The following IQSEC1 variants were observed in gnomAD, a reference collection of about 807,000 sequenced individuals.
IQSEC1 encodes IQ motif and Sec7 domain ArfGEF 1.
A neutral mutation model predicts 91.0 loss-of-function variants in IQSEC1; 31 were observed. The observed-to-expected ratio is 0.34, with a 90% CI of 0.26 to 0.46. The LOEUF is 0.46. Ranked by LOEUF, IQSEC1 falls within the 20% of genes least tolerant of loss-of-function variation. The pLI, the probability that IQSEC1 is intolerant of heterozygous loss-of-function variation, is 1.00. For synonymous variants in IQSEC1, 699 were observed against 662.6 expected (o/e 1.05, Z -0.84); for missense variants, 1,388 against 1,575.6 (o/e 0.88, Z 2.02).
chr3:13,056,671 G>A (rs1266433066), intron 1 of IQSEC1, among the ~76,000 whole-genome samples: 2 of 151,940 alleles, frequency 1.3e-5, no homozygotes, highest in Admixed American at 6.6e-5. Flanking sequence ...AGCTCAGGCG[G>A]CTGATCTCCA....
chr3:13,258,280 T>C (rs1695325632), intron 1 of IQSEC1, among the ~76,000 whole-genome samples: 2 of 152,240 alleles, frequency 1.3e-5, no homozygotes, highest in Admixed American at 1.3e-4. Context: ...GGCAGGAGCA[T>C]GGGAACTCAC....
chr3:13,224,726 C>A (rs776351422), intron 1 of IQSEC1, among the ~76,000 whole-genome samples: 4 of 152,124 alleles, frequency 2.6e-5, no homozygotes, highest in African/African-American at 4.8e-5. Context: ...TAGTTGCCCA[C>A]ATGGCCACAT....
intron 1 of IQSEC1, among the ~76,000 whole-genome samples, chr3:13,007,449 C>T (rs138563601): frequency 2.3e-3 from 357 of 152,346 alleles, no homozygotes; most frequent in African/African-American, 7.9e-3. Context: ...CTGCACCGGT[C>T]CACCCTCCGT....
At chr3:13,044,139 G>A (rs1354149067) in intron 1 of IQSEC1, among the ~76,000 whole-genome samples, 1 of 152,188 alleles carries the variant, frequency 6.6e-6, no homozygotes, top group Admixed American at 6.5e-5. Flanking sequence ...TCCCACCTCA[G>A]GTGGCATTTT....
At chr3:13,023,180 C>T (rs1465423827) in intron 1 of IQSEC1, among the ~76,000 whole-genome samples, 1 of 152,170 alleles carries the variant, frequency 6.6e-6, no homozygotes, top group African/African-American at 2.4e-5. Flanking sequence ...TAAGCTGGCT[C>T]CTCTCTGTAG....
chr3:13,021,385 G>C (rs531684009), intron 1 of IQSEC1, among the ~76,000 whole-genome samples: 37 of 152,346 alleles, frequency 2.4e-4, no homozygotes, highest in African/African-American at 8.7e-4. Flanking sequence ...GTCCAGCTGG[G>C]GAGAAAGCTC....
At chr3:13,132,788 T>A (rs1706641039) in intron 2 of IQSEC1, among the ~76,000 whole-genome samples, 1 of 152,310 alleles carries the variant, frequency 6.6e-6, no homozygotes, top group Non-Finnish European at 1.5e-5. Context: ...TGATTTTGAA[T>A]ACTGAACGGA....
At chr3:12,960,453 T>G (rs1265024252) in intron 1 of IQSEC1, 1 of 152,230 alleles carries the variant, frequency 6.6e-6, no homozygotes, top group Non-Finnish European at 1.5e-5. Flanking sequence ...CCTGCAGGTT[T>G]TGTCTCTCCG....
chr3:13,009,620 C>T (rs1037436168), intron 1 of IQSEC1, among the ~76,000 whole-genome samples: 2 of 151,450 alleles, frequency 1.3e-5, no homozygotes, highest in African/African-American at 4.9e-5. Context: ...AAGATCACCC[C>T]AAGCAGAAAC....
At chr3:13,210,245 G>T (rs1352830490) in intron 1 of IQSEC1, among the ~76,000 whole-genome samples, 1 of 152,062 alleles carries the variant, frequency 6.6e-6, no homozygotes, top group African/African-American at 2.4e-5. Flanking sequence ...CCCAGGCTGG[G>T]GGGACCCAGT....
At chr3:13,005,788 C>A (rs1702610652) in intron 1 of IQSEC1, among the ~76,000 whole-genome samples, 3 of 152,206 alleles carry the variant, frequency 2.0e-5, no homozygotes, top group Admixed American at 2.0e-4. Context: ...GTGAGCCAGC[C>A]AGCTTAGCTC....
chr3:13,051,716 G>A (rs1704698493), intron 1 of IQSEC1, among the ~76,000 whole-genome samples: 1 of 152,138 alleles, frequency 6.6e-6, no homozygotes, highest in African/African-American at 2.4e-5. Context: ...TGGAACTGGT[G>A]GTCATCCCCT....
intron 1 of IQSEC1, among the ~76,000 whole-genome samples, chr3:13,257,787 C>T (rs1420447196): frequency 1.1e-4 from 17 of 152,222 alleles, no homozygotes; most frequent in Non-Finnish European, 1.2e-4. Flanking sequence ...CTACATACGC[C>T]CCTGCCACAC....
rs761840653 is a variant in IQSEC1, at chr3:12,920,455, T to C, written c.1995A>G (p.Leu665=). The C allele has an allele frequency of 1.4e-5, 22 of 1,614,076 alleles. No homozygotes were observed. The East Asian group carries it at 4.5e-4, about 33-fold the overall frequency. ...CTCGGAGGTTCTTGATGAAGTCCTC[T>C]AGCTTCATTTTCCGCTCGGGCTTGA... The part of the protein sequence containing the change: ...PNVKPERKMK[L]EDFIKNLRGV... The change falls in exon 6 of 14, where the codon CTA becomes CTG. Residue 665 remains leucine (L), a synonymous_variant. Coordinates refer to ENST00000613206, the MANE Select transcript of IQSEC1 (RefSeq NM_001134382.3).
intron 1 of IQSEC1, among the ~76,000 whole-genome samples, chr3:13,035,303 A>G (rs371573120): frequency 1.1e-3 from 175 of 152,270 alleles, no homozygotes; most frequent in South Asian, 0.011. Context: ...GCCCTCCACC[A>G]AAGACTCCAT....
At chr3:13,194,200 G>A (rs1225502529) in intron 1 of IQSEC1, among the ~76,000 whole-genome samples, 5 of 152,194 alleles carry the variant, frequency 3.3e-5, no homozygotes, top group Non-Finnish European at 7.3e-5. Flanking sequence ...TAGGGCTTCA[G>A]CCTATGAATT....
At chr3:13,276,234 G>C (rs1309664834) in intron 1 of IQSEC1, among the ~76,000 whole-genome samples, 2 of 151,668 alleles carry the variant, frequency 1.3e-5, no homozygotes, top group Non-Finnish European at 2.9e-5. Flanking sequence ...GACTACAGGC[G>C]CCTGCCACTG....
chr3:13,261,273 C>T (rs957898966), intron 1 of IQSEC1, among the ~76,000 whole-genome samples: 1 of 152,184 alleles, frequency 6.6e-6, no homozygotes, highest in African/African-American at 2.4e-5. Flanking sequence ...CCAGGGGCCA[C>T]ACACAATGTC....
intron 1 of IQSEC1, among the ~76,000 whole-genome samples, chr3:12,996,674 G>T (rs1324270028): frequency 6.6e-6 from 1 of 152,188 alleles, no homozygotes; most frequent in South Asian, 2.1e-4. Flanking sequence ...AAAATGCAAT[G>T]AAAGTTAATT....
Sources: gnomAD v4.1 joint callset for allele counts (sites outside exome capture counted in the v4.1 genomes callset) on GRCh38, gnomAD v4.1.1 for gene constraint, MANE v1.5 for transcripts, NCBI Gene and HGNC (gene_info 2026-07-23, HGNC 2026-07-21) for gene names.